GNAQ: variants seen among roughly 807,000 people sequenced by gnomAD.
The protein encoded by GNAQ is guanine nucleotide-binding protein G(q) subunit alpha.
Under a neutral mutation model 43.9 loss-of-function variants are expected in GNAQ, and 8 were observed. That is an observed-to-expected ratio of 0.18 (90% CI 0.11 to 0.33). The LOEUF is 0.33. GNAQ is among the 10% of genes least tolerant of loss of function. The pLI is 1.00. For synonymous variants in GNAQ, 155 were observed against 170.7 expected, an observed-to-expected ratio of 0.91 and a Z score of 0.71; for missense variants, 158 against 450.8, an observed-to-expected ratio of 0.35 and a Z score of 5.88.
At chr9:77,761,559 C>A (rs1374180607) in intron 5 of GNAQ, among the ~76,000 whole-genome samples, 1 of 139,776 alleles carries the variant, frequency 7.2e-6, no homozygotes, top group Admixed American at 6.8e-5. Flanking sequence ...GGGGGTCAGC[C>A]CCCCGCCCGG....
intron 1 of GNAQ, among the ~76,000 whole-genome samples, chr9:78,016,758 G>A (rs1823844292): frequency 6.6e-6 from 1 of 152,024 alleles, no homozygotes; most frequent in Non-Finnish European, 1.5e-5. Context: ...ATAAGTTCAG[G>A]CATCTGTTAA....
chr9:77,889,273 T>C (rs1168894085), intron 2 of GNAQ, among the ~76,000 whole-genome samples: 4 of 151,232 alleles, frequency 2.6e-5, no homozygotes, highest in African/African-American at 9.7e-5. Flanking sequence ...CCGGGTGTGG[T>C]GGTGCGTGCC....
intron 5 of GNAQ, among the ~76,000 whole-genome samples, chr9:77,750,223 C>T (rs984584670): frequency 4.6e-5 from 7 of 151,640 alleles, no homozygotes; most frequent in Admixed American, 2.0e-4. Context: ...CTACCAATAC[C>T]AAAAGATTTC....
At chr9:77,982,717 C>T (rs1279827991) in intron 1 of GNAQ, among the ~76,000 whole-genome samples, 1 of 146,360 alleles carries the variant, frequency 6.8e-6, no homozygotes, top group Non-Finnish European at 1.5e-5. Context: ...CTGTATCGAA[C>T]TGTTGATTCT....
chr9:78,008,883 T>G (rs756207552), intron 1 of GNAQ, among the ~76,000 whole-genome samples: 6 of 152,164 alleles, frequency 3.9e-5, no homozygotes, highest in Non-Finnish European at 5.9e-5. Flanking sequence ...TCCCAAAGTG[T>G]TGGGATTACA....
chr9:77,870,902 A>AT (rs1403348514), intron 2 of GNAQ, among the ~76,000 whole-genome samples: 13 of 152,188 alleles, frequency 8.5e-5, no homozygotes, highest in Non-Finnish European at 1.9e-4. Flanking sequence ...TTCCTATGGA[A>AT]TTTGACATCA....
At chr9:77,759,691 A>G (rs981675745) in intron 5 of GNAQ, among the ~76,000 whole-genome samples, 11 of 152,210 alleles carry the variant, frequency 7.2e-5, no homozygotes, top group African/African-American at 2.4e-4. Context: ...AAAAGGCCAG[A>G]CAAGAACAGA....
chr9:77,909,166 C>T (rs1202640168), intron 2 of GNAQ, among the ~76,000 whole-genome samples: 1 of 152,156 alleles, frequency 6.6e-6, no homozygotes, highest in Admixed American at 6.6e-5. Flanking sequence ...ACGCCACCCA[C>T]AAAGCATATG....
chr9:77,762,260 C>A (rs1826049057), intron 5 of GNAQ, among the ~76,000 whole-genome samples: 2 of 144,742 alleles, frequency 1.4e-5, no homozygotes, highest in African/African-American at 2.6e-5. Flanking sequence ...GGGGGGTCAG[C>A]CCCCCGCCTG....
chr9:77,996,509 C>G (rs1403883500), intron 1 of GNAQ, among the ~76,000 whole-genome samples: 1 of 151,734 alleles, frequency 6.6e-6, no homozygotes, highest in African/African-American at 2.4e-5. Context: ...GAAACCCTAT[C>G]CCTACAAAAA....
At chr9:77,852,818 G>A (rs1003420797) in intron 2 of GNAQ, among the ~76,000 whole-genome samples, 1 of 152,058 alleles carries the variant, frequency 6.6e-6, no homozygotes, top group African/African-American at 2.4e-5. Context: ...TATACTGTCT[G>A]TAATTATGAA....
chr9:77,728,975 G>A (rs1241711070), intron 5 of GNAQ, among the ~76,000 whole-genome samples: 5 of 152,152 alleles, frequency 3.3e-5, no homozygotes, highest in Admixed American at 2.6e-4. Flanking sequence ...CTGGAACACT[G>A]TCATAAATTC....
At chr9:77,745,584 T>G (rs936123287) in intron 5 of GNAQ, among the ~76,000 whole-genome samples, 7 of 148,608 alleles carry the variant, frequency 4.7e-5, no homozygotes, top group African/African-American at 1.7e-4. Context: ...AAAAAAATCT[T>G]ATGATTCAGC....
intron 4 of GNAQ, among the ~76,000 whole-genome samples, chr9:77,795,387 T>C (rs1826641161): frequency 2.0e-5 from 3 of 152,348 alleles, no homozygotes; most frequent in East Asian, 1.9e-4. Flanking sequence ...TGCTTGGCAC[T>C]GAGTCAAAGT....
chr9:77,765,731 A>G (rs971711671), intron 5 of GNAQ, among the ~76,000 whole-genome samples: 3 of 152,244 alleles, frequency 2.0e-5, no homozygotes, highest in Non-Finnish European at 2.9e-5. Context: ...TACAATCACC[A>G]TATGCTCCAG....
At chr9:77,837,331 C>G (rs917675289) in intron 2 of GNAQ, among the ~76,000 whole-genome samples, 1 of 152,002 alleles carries the variant, frequency 6.6e-6, no homozygotes, top group African/African-American at 2.4e-5. Context: ...GCAGGCGGAT[C>G]GCCTGAGGTC....
At chr9:77,747,471 T>G (rs1346818804) in intron 5 of GNAQ, among the ~76,000 whole-genome samples, 1 of 152,178 alleles carries the variant, frequency 6.6e-6, no homozygotes, top group Non-Finnish European at 1.5e-5. Context: ...TCTAATGAGA[T>G]CAAGTATCTT....
chr9:77,928,481 G>A (rs1829099821), intron 1 of GNAQ, among the ~76,000 whole-genome samples: 1 of 152,150 alleles, frequency 6.6e-6, no homozygotes, highest in African/African-American at 2.4e-5. Context: ...TGTTTTAAAG[G>A]AAAAGACAGG....
At chr9:77,760,701 C>A (rs553207229) in intron 5 of GNAQ, among the ~76,000 whole-genome samples, 1 of 151,840 alleles carries the variant, frequency 6.6e-6, no homozygotes, top group Non-Finnish European at 1.5e-5. Flanking sequence ...CTCTGCCTGG[C>A]TGCCCAGTCT....
Sources: allele counts gnomAD v4.1 joint callset (sites outside exome capture counted in the v4.1 genomes callset), GRCh38; gene constraint gnomAD v4.1.1; transcripts MANE v1.5; gene names NCBI Gene and HGNC (gene_info 2026-07-23, HGNC 2026-07-21).